The following WRNIP1 variants were observed in gnomAD, a reference collection of about 807,000 sequenced individuals.
WRNIP1 encodes ATPase WRNIP1.
Under a neutral mutation model 56.1 loss-of-function variants are expected in WRNIP1, and 41 were observed. That is an observed-to-expected ratio of 0.73 (90% CI 0.57 to 0.95). The LOEUF (loss-of-function observed/expected upper bound fraction) is 0.95. WRNIP1 is among the 40% of genes least tolerant of loss of function. The pLI is 0.00. For missense variants in WRNIP1, 1,170 were observed against 939.4 expected (o/e 1.25, Z -3.21); for synonymous variants, 547 against 398.1 (o/e 1.37, Z -4.45).
Position 2,779,565 on chromosome 6 carries a change from G to A in WRNIP1, c.1486+73G>A, listed in dbSNP as rs1443621797. The A allele has an allele frequency of 2.3e-5, 33 of 1,465,550 alleles. 2 individuals are homozygous for A. In the South Asian group the frequency reaches 3.5e-4, roughly 16 times the overall value. 90.8% of individuals were successfully genotyped at this position (1,465,550 alleles called of 1,614,324 possible). The stretch of plus-strand genomic sequence containing the variant: ...TGTGCACACATTCTCATTTCCGGAA[G>A]CCTGACTGGGTTCCGGAAGCATTCC... On this transcript the variant is annotated intron_variant, in intron 4 of 6. Coordinates refer to ENST00000380773, the MANE Select transcript of WRNIP1 (RefSeq NM_020135.3).
chr6:2,781,381 G>T (rs1282160274), intron 4 of WRNIP1, among the ~76,000 whole-genome samples: 1 of 152,236 alleles, frequency 6.6e-6, no homozygotes, highest in Non-Finnish European at 1.5e-5. Flanking sequence ...CAACATGTCT[G>T]CCCCACAGTG....
rs768943713 is a variant in WRNIP1, at chr6:2,766,182, G to C, written c.560G>C (p.Gly187Ala). Residue 187 changes from glycine to alanine, a missense_variant, in exon 1 of 7, where the codon GGG (glycine) becomes GCG (alanine). Coordinates refer to ENST00000380773, the MANE Select transcript of WRNIP1 (RefSeq NM_020135.3). ...DADADGEDDPGHWDADAAEAA... is the reference protein window; with the variant it reads ...DADADGEDDPAHWDADAAEAA... ...GACGCGGACGGCGAGGACGACCCGG[G>C]GCACTGGGACGCGGACGCTGCCGAA... 1.2e-5 allele frequency: 16 copies of C among 1,374,704 alleles called. No homozygotes were observed. The highest frequency in any genetic ancestry group is 7.3e-5 in the Admixed American group (2 of 27,530). The allele number at this position is 1,374,704 out of a possible 1,614,324, so 85.2% of individuals were successfully genotyped here.
In WRNIP1 at chr6:2,785,112, C is replaced by T; in HGVS notation, c.1828C>T (p.Pro610Ser). 1 of 1,614,200 alleles carries T rather than the reference C, an allele frequency of 6.2e-7. No homozygotes were observed. Among genetic ancestry groups the T allele is most frequent in the African/African-American group, 1.3e-5 (1 of 75,042 alleles). The change falls in exon 7 of 7, where the codon CCA becomes TCA. Residue 610 changes from proline (P) to serine (S), a missense_variant. By Grantham distance (74) the Pro-to-Ser change is moderately conservative (BLOSUM62 -1). Coordinates refer to ENST00000380773, the MANE Select transcript of WRNIP1 (RefSeq NM_020135.3). ...AGCCTGCCTGAGGAACCACCAGGGGCCACTGCCCCCCGTGCCCCTGCACCT... is the reference window on the plus strand; with the variant it reads ...AGCCTGCCTGAGGAACCACCAGGGGTCACTGCCCCCCGTGCCCCTGCACCT... Reference protein sequence around the residue: ...VKACLRNHQGPLPPVPLHLRN... With the variant: ...VKACLRNHQGSLPPVPLHLRN...
chr6:2,766,354 G>A lies in WRNIP1; in HGVS notation c.732G>A (p.Lys244=). 1 of 1,610,484 alleles carries A rather than the reference G, an allele frequency of 6.2e-7. No homozygotes were observed. The highest frequency in any genetic ancestry group is 8.5e-7 in the Non-Finnish European group (1 of 1,178,868). The change falls in exon 1 of 7, where the codon AAG becomes AAA. Residue 244 remains lysine, a synonymous_variant. Coordinates refer to ENST00000380773, the MANE Select transcript of WRNIP1 (RefSeq NM_020135.3). The stretch of plus-strand genomic sequence containing the variant: ...TGCAGGATTACTTCGGGCAGAGCAA[G>A]GCCGTGGGCCAGGATACCCTGCTGC... The part of the protein sequence containing the change: ...DTLQDYFGQS[K]AVGQDTLLRS...
At position 2,773,928 on chromosome 6, in the gene WRNIP1, C is replaced by T. The variant is rs1173232906; in HGVS notation, c.1256+3567C>T. ...GTCTGTCCCTGGGTAAGGGCTGTGG[C>T]GTAACTGGGTGTGGGGCTTTTCTCT... On this transcript the variant is annotated intron_variant, in intron 3 of 6. Transcript: ENST00000380773. The T allele has an allele frequency of 9.1e-6, 9 of 985,112 alleles. No homozygotes were observed. In the South Asian group the frequency reaches 1.9e-4, roughly 21 times the overall value. The allele number at this position is 985,112 out of a possible 1,614,324, so 61.0% of individuals were successfully genotyped here.
At chr6:2,780,966 T>C (rs1765543188) in intron 4 of WRNIP1, among the ~76,000 whole-genome samples, 1 of 152,212 alleles carries the variant, frequency 6.6e-6, no homozygotes, top group Non-Finnish European at 1.5e-5. Flanking sequence ...TTTATGGAGA[T>C]AGCTATTAAT....
intron 3 of WRNIP1, among the ~76,000 whole-genome samples, chr6:2,778,369 A>ACC (rs1165295758): frequency 6.6e-6 from 1 of 152,176 alleles, no homozygotes; most frequent in Non-Finnish European, 1.5e-5. Flanking sequence ...CAGGAATAAG[A>ACC]CCCCACTAAG....
chr6:2,768,455 G>GA (rs1169837768), intron 1 of WRNIP1, among the ~76,000 whole-genome samples: 1 of 152,244 alleles, frequency 6.6e-6, no homozygotes. Flanking sequence ...GGACAGAGGA[G>GA]AAAAGGTCAG....
intron 3 of WRNIP1, among the ~76,000 whole-genome samples, chr6:2,776,502 C>T (rs368526170): frequency 1.3e-5 from 2 of 152,352 alleles, no homozygotes; most frequent in East Asian, 3.9e-4. Flanking sequence ...GCAGCACCTC[C>T]ATTCCCCATG....
chr6:2,765,841 G>A lies in WRNIP1; in HGVS notation c.219G>A (p.Arg73=). 2 of 1,393,334 alleles carry A rather than the reference G, an allele frequency of 1.4e-6. No homozygotes were observed. The highest frequency in any genetic ancestry group is 1.9e-6 in the Non-Finnish European group (2 of 1,074,586). 86.3% of individuals were successfully genotyped at this position (1,393,334 alleles called of 1,614,324 possible). The stretch of plus-strand genomic sequence containing the variant: ...CGCCGCCCGGCGCCAAGAGGCGGCG[G>A]CTGTCGGAGAGCTCGGCGCTGAAGC... ...GPSPPGAKRR[R]LSESSALKQP... Residue 73 remains arginine (R), a synonymous_variant, in exon 1 of 7, where the codon CGG becomes CGA. Coordinates refer to ENST00000380773, the MANE Select transcript of WRNIP1 (RefSeq NM_020135.3).
chr6:2,766,080 CTCCGCGCAGCT>C lies in WRNIP1; in HGVS notation c.459_469del (p.Pro154GlyfsTer77). The C allele has an allele frequency of 7.7e-7, 1 of 1,299,772 alleles. No individual in the cohort carries two copies. The highest frequency in any genetic ancestry group is 9.7e-7 in the Non-Finnish European group (1 of 1,029,044). 80.5% of individuals were successfully genotyped at this position (1,299,772 alleles called of 1,614,324 possible). A position where few individuals can be genotyped will look rare whatever the true frequency, so the allele number is the denominator to read the frequency against. ...GCCGCCGCCGCGGCGGGGAGCGCGT[CTCCGCGCAGCT>C]GGGACGAGGCGGAGGCGCAGGAGGA... On this transcript the variant is annotated frameshift_variant, in exon 1 of 7. Transcript: ENST00000380773. LOFTEE classifies it high-confidence loss of function.
At chr6:2,781,107 ATCTCAC>A (rs1390979883) in intron 4 of WRNIP1, among the ~76,000 whole-genome samples, 1 of 152,036 alleles carries the variant, frequency 6.6e-6, no homozygotes, top group Non-Finnish European at 1.5e-5. Flanking sequence ...GCTGTTACTG[ATCTCAC>A]CCATTACATC....
At position 2,765,409 on chromosome 6, in the gene WRNIP1, C is replaced by A; in HGVS notation, c.-214C>A. The A allele has an allele frequency of 2.3e-6, 1 of 443,800 alleles. No individual in the cohort carries two copies. The highest frequency in any genetic ancestry group is 3.5e-6 in the Non-Finnish European group (1 of 286,628). The allele number at this position is 443,800 out of a possible 1,614,324, so 27.5% of individuals were successfully genotyped here. ...CCACGAACTACACTTCCCGACACGC[C>A]GCGTGAGGCGCTGCCAGCGGCCGGC... On this transcript the variant is annotated 5_prime_UTR_variant, in exon 1 of 7. Coordinates refer to ENST00000380773, the MANE Select transcript of WRNIP1 (RefSeq NM_020135.3).
rs1322416920 is a variant in WRNIP1 at position 2,765,520 on chromosome 6, G to C, written c.-103G>C. The C allele has an allele frequency of 7.0e-6, 9 of 1,289,876 alleles. No individual in the cohort carries two copies. The African/African-American group carries it at 1.3e-4, about 18-fold the overall frequency. 79.9% of individuals were successfully genotyped at this position (1,289,876 alleles called of 1,614,324 possible). On this transcript the variant is annotated 5_prime_UTR_variant, in exon 1 of 7. Coordinates refer to ENST00000380773, the MANE Select transcript of WRNIP1 (RefSeq NM_020135.3). ...CGCGAGCGTCCTGCTGGTTCCCCGAGCGAGGGTCTCGCGGCGCGGGGCCTA... is the reference window on the plus strand; with the variant it reads ...CGCGAGCGTCCTGCTGGTTCCCCGACCGAGGGTCTCGCGGCGCGGGGCCTA...
At chr6:2,772,049 C>T (rs1341040340) in intron 3 of WRNIP1, among the ~76,000 whole-genome samples, 2 of 152,132 alleles carry the variant, frequency 1.3e-5, no homozygotes, top group Non-Finnish European at 2.9e-5. Flanking sequence ...TACTCAGATA[C>T]CCTCAGGTTT....
At position 2,765,549 on chromosome 6, in the gene WRNIP1, G is replaced by A; in HGVS notation, c.-74G>A. 7.3e-7 allele frequency: 1 copy of A among 1,361,150 alleles called. No homozygotes were observed. The highest frequency in any genetic ancestry group is 3.8e-5 in the Admixed American group (1 of 26,120). The allele number at this position is 1,361,150 out of a possible 1,614,324, so 84.3% of individuals were successfully genotyped here. On this transcript the variant is annotated 5_prime_UTR_variant, in exon 1 of 7. Transcript: ENST00000380773. ...GGGTCTCGCGGCGCGGGGCCTAGCG[G>A]AGGGCATCGAAGGCCTCCGCGTGCG...
At position 2,779,276 on chromosome 6, in the gene WRNIP1, A is replaced by G. The variant is rs1338177807; in HGVS notation, c.1270A>G (p.Ile424Val). The change falls in exon 4 of 7, where the codon ATA becomes GTA. Residue 424 changes from isoleucine (I) to valine (V), a missense_variant. By Grantham distance (29) the Ile-to-Val change is conservative (BLOSUM62 3). Coordinates refer to ENST00000380773, the MANE Select transcript of WRNIP1 (RefSeq NM_020135.3). ...SNSSSEPAMF[I>V]EDKAVDTLAY... ...CTTGTGTTTCAGGCCCGCCATGTTC[A>G]TAGAGGATAAAGCAGTAGACACCCT... The G allele has an allele frequency of 6.2e-7, 1 of 1,614,194 alleles. No individual in the cohort carries two copies. The highest frequency in any genetic ancestry group is 1.3e-5 in the African/African-American group (1 of 75,040).
At chr6:2,774,006 A>G (rs1765375105) in intron 3 of WRNIP1, 3 of 985,270 alleles carry the variant, frequency 3.0e-6, no homozygotes, top group Admixed American at 1.2e-4. Context: ...CAAGGTGGCT[A>G]TGGATTCTTC....
At chr6:2,773,823 G>A in intron 3 of WRNIP1, 1 of 971,124 alleles carries the variant, frequency 1.0e-6, no homozygotes. Flanking sequence ...TGGAGATCAA[G>A]AGAGTGAAAT....
Sources: gnomAD v4.1 joint callset for allele counts (sites outside exome capture counted in the v4.1 genomes callset) on GRCh38, gnomAD v4.1.1 for gene constraint, MANE v1.5 for transcripts, NCBI Gene and HGNC (gene_info 2026-07-23, HGNC 2026-07-21) for gene names.